Variants in TRPM5 observed in about 807,000 individuals in gnomAD.
The protein encoded by TRPM5 is MLSN1 and TRP-related.
Under a neutral mutation model 124.9 loss-of-function variants are expected in TRPM5, and 121 were observed. That is an observed-to-expected ratio of 0.97 (90% confidence interval 0.84 to 1.13). The LOEUF (loss-of-function observed/expected upper bound fraction) is 1.13, where lower values mean the gene tolerates loss of function less well. Among genes scored for constraint, TRPM5 ranks in the 50% most tolerant of loss-of-function variants. The pLI, the probability that TRPM5 is intolerant of heterozygous loss-of-function variation, is 0.00. For synonymous variants in TRPM5, 781 were observed against 700.5 expected, an observed-to-expected ratio of 1.11 and a Z score of -1.81; for missense variants, 1,643 against 1,589.1, an observed-to-expected ratio of 1.03 and a Z score of -0.58.
chr11:2,421,167 C>T (rs903583892), exon 3 of TRPM5: 1 of 1,541,454 alleles, frequency 6.5e-7, no homozygotes. Flanking sequence ...TGGCCAGGCC[C>T]ACGCGGAGGG....
upstream of TRPM5, among the ~76,000 whole-genome samples, chr11:2,425,960 G>T (rs1845837184): frequency 6.6e-6 from 1 of 152,182 alleles, no homozygotes; most frequent in Admixed American, 6.5e-5. Flanking sequence ...GGGTCCTACA[G>T]GGCTCCCTGG....
At chr11:2,423,633 C>T (rs939537818), upstream of TRPM5, among the ~76,000 whole-genome samples, 1 of 152,204 alleles carries the variant, frequency 6.6e-6, no homozygotes, top group African/African-American at 2.4e-5. Context: ...GGAGGCCTTG[C>T]CCCGGCCCAC....
chr11:2,432,892 G>T, the TRPM5 span, among the ~76,000 whole-genome samples: 2 of 152,224 alleles, frequency 1.3e-5, no homozygotes, highest in African/African-American at 4.8e-5. Flanking sequence ...CCCTCGGGGG[G>T]CAGCCCGAAG....
In TRPM5 at chr11:2,405,575, G is replaced by A. The variant is rs775992509; in HGVS notation, c.3343C>T (p.Leu1115Phe). ...AGCACGTCAGCCACGGAGGACACGAGCACCGAGCAGTAGTTGATCTGGAGA... is the reference window on the plus strand; with the variant it reads ...AGCACGTCAGCCACGGAGGACACGAACACCGAGCAGTAGTTGATCTGGAGA... Residue 1115 changes from leucine to phenylalanine, a missense_variant, in exon 23 of 24, where the codon CTC becomes TTC. Physicochemically the swap from Leu to Phe is conservative, Grantham distance 22. Coordinates refer to ENST00000155858, the Ensembl canonical transcript of TRPM5. 4 of 1,564,526 alleles carry A rather than the reference G, an allele frequency of 2.6e-6. No individual in the cohort carries two copies. In the African/African-American group the frequency reaches 4.1e-5, roughly 16 times the overall value.
Position 2,415,106 on chromosome 11 carries a change from G to A in TRPM5, c.1479+15C>T, listed in dbSNP as rs778374569. 8.9e-6 allele frequency: 14 copies of A among 1,574,026 alleles called. No homozygotes were observed. The highest frequency in any genetic ancestry group is 2.3e-5 in the East Asian group (1 of 43,636). ...CCCCAGCCTCGCCCTCCATCCCCAC[G>A]GAGCCCCCGCTCACCGCCCTCCTGC... On this transcript the variant is annotated intron_variant, in intron 9 of 23. Transcript: ENST00000155858.
At chr11:2,417,706 G>GCCCCCCCCGCCCCCC in intron 7 of TRPM5, 21 bp downstream of exon 12, 2 of 1,087,302 alleles carry the variant, frequency 1.8e-6, no homozygotes, top group African/African-American at 1.5e-5. Flanking sequence ...CGCCTGCCTT[G>GCCCCCCCCGCCCCCC]CCCACCCTGC....
At chr11:2,422,227 A>G in exon 2 of TRPM5, 1 of 1,612,496 alleles carries the variant, frequency 6.2e-7, no homozygotes, top group Non-Finnish European at 8.5e-7. Flanking sequence ...CTCACCCACC[A>G]GGGACACCAC....
chr11:2,408,064 G>A (rs536619263), intron 18 of TRPM5, 152 bp from the exon 24 acceptor site: 80 of 1,066,542 alleles, frequency 7.5e-5, no homozygotes, highest in African/African-American at 7.1e-4. Context: ...CACCCAGGGC[G>A]GCCTGGGTTT....
chr11:2,424,862 T>C (rs375856399), upstream of TRPM5, among the ~76,000 whole-genome samples: 151 of 152,318 alleles, frequency 9.9e-4, 2 homozygotes, highest in South Asian at 0.031. Context: ...CGACTTCTGG[T>C]GACTGCCAGC....
chr11:2,419,828 C>G (rs1400085139), intron 4 of TRPM5, among the ~76,000 whole-genome samples: 1 of 152,244 alleles, frequency 6.6e-6, no homozygotes, highest in Non-Finnish European at 1.5e-5. Flanking sequence ...GTGACGCTGC[C>G]CTCTGGCGGC....
At chr11:2,440,076 G>A in the TRPM5 span, among the ~76,000 whole-genome samples, 3 of 152,170 alleles carry the variant, frequency 2.0e-5, no homozygotes, top group Admixed American at 6.5e-5. This position sits in a 1 kb window ranked among gnomAD's most constrained non-coding sequence, Gnocchi z 5.2. Context: ...ATTAACTGAG[G>A]AACGGAAAAC....
intron 6 of TRPM5, 46 bp from the exon 12 acceptor site, chr11:2,417,875 G>C: frequency 2.5e-5 from 37 of 1,508,898 alleles, no homozygotes; most frequent in Non-Finnish European, 3.2e-5. Flanking sequence ...CAGCCAGGAC[G>C]GGGGCAGAGG....
chr11:2,417,943 C>T (rs370902770), intron 6 of TRPM5, 114 bp from the exon 12 acceptor site: 1 of 1,120,280 alleles, frequency 8.9e-7, no homozygotes, highest in Non-Finnish European at 1.3e-6. Context: ...AGCCTTGCAG[C>T]CTGCATGCCC....
the TRPM5 span, among the ~76,000 whole-genome samples, chr11:2,436,082 C>T: frequency 6.6e-6 from 1 of 152,260 alleles, no homozygotes; most frequent in East Asian, 1.9e-4. Flanking sequence ...CTCCCCCACA[C>T]CGTAACCCAG....
At chr11:2,429,551 G>C in the TRPM5 span, among the ~76,000 whole-genome samples, 2 of 151,736 alleles carry the variant, frequency 1.3e-5, no homozygotes, top group Non-Finnish European at 2.9e-5. The surrounding 1 kb of genome is among the most constrained non-coding windows in gnomAD (Gnocchi z 8.4). Flanking sequence ...GGTGGTGGGG[G>C]TGATAATGAT....
At chr11:2,405,501 A>G (rs1313829620) in intron 23 of TRPM5, 26 bp downstream of exon 28, 2 of 1,551,202 alleles carry the variant, frequency 1.3e-6, no homozygotes. Flanking sequence ...GCCCACCCTC[A>G]TCCCACGCTC....
At chr11:2,422,312 C>T in exon 2 of TRPM5, 2 of 1,610,178 alleles carry the variant, frequency 1.2e-6, no homozygotes, top group South Asian at 1.1e-5. Context: ...CCGCTCGGCA[C>T]CCGTACAAAC....
Position 2,412,746 on chromosome 11 carries a change from C to T in TRPM5, c.2355+8G>A, listed in dbSNP as rs1048723840. ...GTGGAGGGGACCTAGGCTAGTGTGG[C>T]CACCGACCTGCCGGATTTCCTCCAG... On this transcript the variant is annotated splice_region_variant and intron_variant, in intron 15 of 23. Transcript: ENST00000155858. The T allele has an allele frequency of 6.3e-6, 10 of 1,583,572 alleles. No homozygotes were observed. The highest frequency in any genetic ancestry group is 5.4e-5 in the African/African-American group (4 of 74,234).
exon 2 of TRPM5, chr11:2,422,315 G>A (rs370751309): frequency 8.7e-6 from 14 of 1,608,726 alleles, no homozygotes; most frequent in African/African-American, 8.1e-5. Flanking sequence ...CTCGGCACCC[G>A]TACAAACTGC....
Sources: allele counts gnomAD v4.1 joint callset (sites outside exome capture counted in the v4.1 genomes callset), GRCh38; gene constraint gnomAD v4.1.1; non-coding constraint Gnocchi (gnomAD v3.1); transcripts MANE v1.5; gene names NCBI Gene and HGNC (gene_info 2026-07-23, HGNC 2026-07-21).